Variants in KCNB2 observed in about 807,000 individuals in gnomAD.
KCNB2 encodes the protein potassium voltage-gated channel subfamily B member 2, also known as delayed rectifier potassium channel protein.
In KCNB2, 15 loss-of-function variants were observed where a neutral mutation model predicts 61.5. That is an observed-to-expected ratio of 0.24 (90% CI 0.16 to 0.38). KCNB2 has a LOEUF of 0.38. Among genes scored for constraint, KCNB2 ranks in the 10% least tolerant of loss-of-function variants. The pLI, the probability that KCNB2 is intolerant of heterozygous loss-of-function variation, is 1.00. For synonymous variants in KCNB2, 457 were observed against 446.0 expected, an observed-to-expected ratio of 1.02 and a Z score of -0.31; for missense variants, 828 against 1,125.2, an observed-to-expected ratio of 0.74 and a Z score of 3.78.
intron 2 of KCNB2, among the ~76,000 whole-genome samples, chr8:72,594,682 C>T (rs1807158203): frequency 6.6e-6 from 1 of 152,180 alleles, no homozygotes; most frequent in Non-Finnish European, 1.5e-5. Flanking sequence ...GAATCATTGA[C>T]TCAGCAGATC....
intron 2 of KCNB2, chr8:72,751,500 C>T (rs953568148): frequency 2.0e-5 from 3 of 152,144 alleles, no homozygotes; most frequent in Non-Finnish European, 4.4e-5. Context: ...CCCTATACTG[C>T]GTCTTCTTAA....
At chr8:72,662,134 C>T (rs1419738276) in intron 2 of KCNB2, among the ~76,000 whole-genome samples, 1 of 152,152 alleles carries the variant, frequency 6.6e-6, no homozygotes, top group Non-Finnish European at 1.5e-5. Context: ...ACTATCAGTG[C>T]CACCACTCCC....
At chr8:72,679,960 G>A (rs1293208149) in intron 2 of KCNB2, among the ~76,000 whole-genome samples, 1 of 152,082 alleles carries the variant, frequency 6.6e-6, no homozygotes, top group Non-Finnish European at 1.5e-5. Context: ...CTGTGTAATG[G>A]GTCCTGTTTT....
At chr8:72,808,696 A>G (rs1273434284) in intron 2 of KCNB2, among the ~76,000 whole-genome samples, 1 of 152,174 alleles carries the variant, frequency 6.6e-6, no homozygotes, top group Non-Finnish European at 1.5e-5. Context: ...GAAAATAGAC[A>G]AAGATCCCAT....
intron 2 of KCNB2, among the ~76,000 whole-genome samples, chr8:72,656,257 A>T (rs1443959871): frequency 2.0e-5 from 3 of 152,170 alleles, no homozygotes; most frequent in East Asian, 1.9e-4. Context: ...AAGGCAAAAG[A>T]TTAAAAAGGA....
chr8:72,926,257 GA>G (rs1211235085), intron 2 of KCNB2, among the ~76,000 whole-genome samples: 1 of 152,014 alleles, frequency 6.6e-6, no homozygotes, highest in Non-Finnish European at 1.5e-5. Flanking sequence ...AATGTTGAAG[GA>G]AAAAGAGAAA....
chr8:72,936,156 T>C lies in KCNB2; in HGVS notation c.801T>C (p.Asn267=), dbSNP rs1459496409. The stretch of plus-strand genomic sequence containing the variant: ...GGAAGTTCTTCAAAGGCCCACTGAA[T>C]GTCATTGATTTGCTGGCCATCTTGC... ...NKWKFFKGPL[N]VIDLLAILPY... is the part of the protein sequence containing the mutation. The change falls in exon 3 of 3, where the codon AAT becomes AAC. Residue 267 remains asparagine, a synonymous_variant. Transcript: ENST00000523207. This position sits in a 1 kb window ranked among gnomAD's most constrained non-coding sequence, Gnocchi z 5.6. 2 of 1,614,100 alleles carry C rather than the reference T, an allele frequency of 1.2e-6. No individual in the cohort carries two copies. Among genetic ancestry groups the C allele is most frequent in the African/African-American group, 2.7e-5 (2 of 74,932 alleles).
intron 2 of KCNB2, among the ~76,000 whole-genome samples, chr8:72,745,513 A>G (rs1312944036): frequency 6.6e-6 from 1 of 152,180 alleles, no homozygotes; most frequent in Non-Finnish European, 1.5e-5. Flanking sequence ...TTACTGAAAA[A>G]AATACAAATT....
intron 1 of KCNB2, among the ~76,000 whole-genome samples, chr8:72,546,359 T>C (rs1806258046): frequency 6.6e-6 from 1 of 151,630 alleles, no homozygotes; most frequent in Admixed American, 6.6e-5. Flanking sequence ...ACTAAAAAAA[T>C]ACAAAAAAAT....
At chr8:72,804,253 G>A (rs145074170) in intron 2 of KCNB2, among the ~76,000 whole-genome samples, 23 of 152,216 alleles carry the variant, frequency 1.5e-4, no homozygotes, top group South Asian at 1.2e-3. Context: ...CCAAGGCAAC[G>A]GCTAACAAGA....
chr8:72,692,440 A>G lies in KCNB2; in HGVS notation c.579+124127A>G, dbSNP rs541309919. On this transcript the variant is annotated intron_variant, in intron 2 of 2. Transcript: ENST00000523207. ...TATTTGGTTAGTGGGAAGAATGGACAGGTTCCCATGTTTCCCACCTGAGAA... is the reference window on the plus strand; with the variant it reads ...TATTTGGTTAGTGGGAAGAATGGACGGGTTCCCATGTTTCCCACCTGAGAA... Among the ~76,000 whole-genome samples the G allele has an allele frequency of 7.0e-4, 107 of 152,326 alleles. 1 individual carries two copies. Among genetic ancestry groups the G allele is most frequent in the Non-Finnish European group, 1.5e-3 (101 of 68,026 alleles).
chr8:72,843,658 TC>T (rs1450203785), intron 2 of KCNB2, among the ~76,000 whole-genome samples: 7 of 152,218 alleles, frequency 4.6e-5, no homozygotes, highest in Admixed American at 4.6e-4. Flanking sequence ...AGTTGGCTCT[TC>T]CTGTTGCATT....
chr8:72,930,689 GGATATTAGCCCTTTGTCA>G (rs1305759034), intron 2 of KCNB2, among the ~76,000 whole-genome samples: 1 of 152,130 alleles, frequency 6.6e-6, no homozygotes, highest in Non-Finnish European at 1.5e-5. Flanking sequence ...TGTAGATTCT[GGATATTAGCCCTTTGTCA>G]GATGAGTAGA....
intron 2 of KCNB2, among the ~76,000 whole-genome samples, chr8:72,698,531 C>A (rs1807057339): frequency 6.6e-6 from 1 of 152,030 alleles, no homozygotes; most frequent in Non-Finnish European, 1.5e-5. Flanking sequence ...TCATATGGAA[C>A]TGAAAAAAGA....
intron 2 of KCNB2, among the ~76,000 whole-genome samples, chr8:72,872,667 A>T (rs565242923): frequency 3.3e-5 from 5 of 152,232 alleles, no homozygotes; most frequent in Non-Finnish European, 5.9e-5. Context: ...AAGAGAGAAC[A>T]GTTTTTCAAA....
intron 2 of KCNB2, among the ~76,000 whole-genome samples, chr8:72,817,279 A>G (rs973849160): frequency 5.3e-5 from 8 of 152,242 alleles, no homozygotes; most frequent in Non-Finnish European, 8.8e-5. Flanking sequence ...GCTGAAAAAA[A>G]TCTTGTCCCC....
intron 2 of KCNB2, among the ~76,000 whole-genome samples, chr8:72,809,567 C>T (rs1455405006): frequency 6.6e-6 from 1 of 152,138 alleles, no homozygotes; most frequent in East Asian, 1.9e-4. Context: ...CTTCTGCTTT[C>T]AACTTTATTA....
intron 2 of KCNB2, among the ~76,000 whole-genome samples, chr8:72,586,952 G>T (rs562729681): frequency 6.6e-6 from 1 of 152,114 alleles, no homozygotes; most frequent in Non-Finnish European, 1.5e-5. Flanking sequence ...AGGTTGCTAG[G>T]TATTCTCAAA....
At chr8:72,652,061 T>A (rs1176170642) in intron 2 of KCNB2, among the ~76,000 whole-genome samples, 1 of 152,102 alleles carries the variant, frequency 6.6e-6, no homozygotes. Flanking sequence ...CATAATCTAC[T>A]TTGACCACTT....
Sources: allele counts gnomAD v4.1 joint callset (sites outside exome capture counted in the v4.1 genomes callset), GRCh38; gene constraint gnomAD v4.1.1; non-coding constraint Gnocchi (gnomAD v3.1); transcripts MANE v1.5; gene names NCBI Gene and HGNC (gene_info 2026-07-23, HGNC 2026-07-21).